The following FOXP2 variants were observed in gnomAD, a reference collection of about 807,000 sequenced individuals.
FOXP2 encodes the protein forkhead box protein P2.
Under a neutral mutation model 115.8 loss-of-function variants are expected in FOXP2, and 12 were observed. The ratio of observed to expected loss-of-function variants is 0.10; its 90% CI spans 0.07 to 0.17. FOXP2 has a LOEUF of 0.17. FOXP2 is among the 10% of genes least tolerant of loss of function. The pLI, the probability that FOXP2 is intolerant of heterozygous loss-of-function variation, is 1.00. For synonymous variants in FOXP2, 328 were observed against 297.7 expected, an observed-to-expected ratio of 1.10 and a Z score of -1.05; for missense variants, 629 against 843.5, an observed-to-expected ratio of 0.75 and a Z score of 3.15.
chr7:114,101,494 A>G (rs1350344101), intron 1 of FOXP2, among the ~76,000 whole-genome samples: 1 of 152,138 alleles, frequency 6.6e-6, no homozygotes, highest in Non-Finnish European at 1.5e-5. Flanking sequence ...ATCTAGTAAC[A>G]GTGTCAGAAA....
chr7:114,403,789 G>T (rs548806095), intron 2 of FOXP2, among the ~76,000 whole-genome samples: 2 of 152,248 alleles, frequency 1.3e-5, no homozygotes, highest in East Asian at 3.9e-4. Context: ...CCTTATTGGG[G>T]AACCCTCTCT....
At chr7:114,228,585 T>A (rs1161676998) in intron 1 of FOXP2, among the ~76,000 whole-genome samples, 1 of 151,882 alleles carries the variant, frequency 6.6e-6, no homozygotes, top group African/African-American at 2.4e-5. Flanking sequence ...GTAGTACAGA[T>A]GAACAAGAAG....
At chr7:114,352,199 C>T (rs552858268) in intron 2 of FOXP2, among the ~76,000 whole-genome samples, 2 of 151,652 alleles carry the variant, frequency 1.3e-5, no homozygotes, top group South Asian at 4.2e-4. Flanking sequence ...CCTGGGAGGT[C>T]AAGACTACAA....
chr7:114,263,580 A>G (rs541829414), intron 1 of FOXP2, among the ~76,000 whole-genome samples: 1 of 151,304 alleles, frequency 6.6e-6, no homozygotes, highest in East Asian at 2.0e-4. Context: ...CAGCCTCCCA[A>G]TGTGCTGGGA....
chr7:114,287,247 A>G (rs1796488586), intron 1 of FOXP2, among the ~76,000 whole-genome samples: 1 of 151,930 alleles, frequency 6.6e-6, no homozygotes, highest in South Asian at 2.1e-4. Flanking sequence ...TAGCTGATGA[A>G]CTAAAAAAGA....
chr7:114,549,799 A>T (rs1040126038), intron 3 of FOXP2, among the ~76,000 whole-genome samples: 1 of 152,060 alleles, frequency 6.6e-6, no homozygotes, highest in Admixed American at 6.5e-5. Flanking sequence ...AAAAAAAAAT[A>T]GTATAATAAA....
intron 6 of FOXP2, among the ~76,000 whole-genome samples, chr7:114,640,056 T>G (rs184986099): frequency 1.3e-4 from 19 of 151,738 alleles, no homozygotes; most frequent in Admixed American, 2.6e-4. Context: ...CAGGCAAGAG[T>G]TGACAATACA....
chr7:114,538,257 A>G, intron 3 of FOXP2: 2 of 1,108,124 alleles, frequency 1.8e-6, no homozygotes, highest in East Asian at 5.8e-5. Context: ...TTTCTAGCCT[A>G]TGACAAATCT....
chr7:114,377,872 A>T (rs1792181297), intron 2 of FOXP2, among the ~76,000 whole-genome samples: 1 of 152,158 alleles, frequency 6.6e-6, no homozygotes, highest in Non-Finnish European at 1.5e-5. Flanking sequence ...TACTCACTTT[A>T]TTCCACACAT....
In FOXP2 at chr7:114,691,348, T is replaced by G. The variant is rs1218738031; in HGVS notation, c.*1422T>G. 1 of 453,982 alleles carries G rather than the reference T, an allele frequency of 2.2e-6. No homozygotes were observed. The highest frequency in any genetic ancestry group is 2.4e-5 in the Admixed American group (1 of 42,550). The allele number at this position is 453,982 out of a possible 1,614,324, so 28.1% of individuals were successfully genotyped here. On this transcript the variant is annotated 3_prime_UTR_variant, in exon 17 of 17. Coordinates refer to ENST00000350908, the MANE Select transcript of FOXP2 (RefSeq NM_014491.4). ...ATTTCATATTGATTTTAAAGTGATC[T>G]AGCTGAGTTTTTACACTGAAAGCAA... is the stretch of plus-strand genomic sequence containing the variant.
rs181241145 is a variant in FOXP2, at chr7:114,455,338, T to C, written c.168+28659T>C. Among the ~76,000 whole-genome samples, 215 of 152,356 alleles carry C rather than the reference T, an allele frequency of 1.4e-3. 1 individual carries two copies. Among genetic ancestry groups the C allele is most frequent in the African/African-American group, 4.9e-3 (204 of 41,584 alleles). Reference sequence around the variant, plus strand: ...ACCAGTCATAAATGCTAAGTCTTTTTCCTAACCATATCTAGAACCATTTGC... The same window carrying C: ...ACCAGTCATAAATGCTAAGTCTTTTCCCTAACCATATCTAGAACCATTTGC... On this transcript the variant is annotated intron_variant, in intron 2 of 16. Transcript: ENST00000350908.
intron 3 of FOXP2, among the ~76,000 whole-genome samples, chr7:114,558,846 A>T (rs1178655780): frequency 6.6e-6 from 1 of 152,094 alleles, no homozygotes; most frequent in African/African-American, 2.4e-5. Flanking sequence ...TGCATTCTTG[A>T]GGTTAGTGGC....
upstream of FOXP2, chr7:114,086,712 C>T (rs1243106266): frequency 4.3e-6 from 1 of 230,576 alleles, no homozygotes; most frequent in East Asian, 1.9e-4. Flanking sequence ...CTCTGCTCCG[C>T]GCTCCTCCCG....
Position 114,148,611 on chromosome 7 carries a change from A to T in FOXP2, c.-246-14333A>T, listed in dbSNP as rs138959908. 2.1e-3 allele frequency among the ~76,000 whole-genome samples: 316 copies of T among 152,318 alleles called. 3 individuals are homozygous for T. In the Middle Eastern group the frequency reaches 0.041, roughly 20 times the overall value. ...ACTTGCTCTCTTGAGAAGCTTGCCC[A>T]GGAAGTATAGTTTGAAATAAAAGAG... On this transcript the variant is annotated intron_variant, in intron 1 of 19. Transcript: ENST00000635638.
chr7:114,291,996 T>C (rs1186522945), intron 2 of FOXP2, among the ~76,000 whole-genome samples: 10 of 145,598 alleles, frequency 6.9e-5, no homozygotes, highest in African/African-American at 1.5e-4. Flanking sequence ...ATATATATTA[T>C]AGATAATATA....
intron 2 of FOXP2, among the ~76,000 whole-genome samples, chr7:114,367,044 C>T (rs2049605): frequency 0.96 from 145,552 of 152,170 alleles, 69,883 homozygotes; most frequent in East Asian, 1. Context: ...GTGCATTGTG[C>T]AGAGGCTAAC....
chr7:114,652,114 T>G, intron 8 of FOXP2, 89 bp from the exon 9 acceptor site: 1 of 1,198,804 alleles, frequency 8.3e-7, no homozygotes, highest in Non-Finnish European at 1.2e-6. Flanking sequence ...CAGAAACATC[T>G]GACTTCAGTG....
chr7:114,261,314 T>C (rs1340044592), intron 1 of FOXP2, among the ~76,000 whole-genome samples: 1 of 152,208 alleles, frequency 6.6e-6, no homozygotes, highest in East Asian at 1.9e-4. Context: ...AACTTTACTT[T>C]TTGCACTTTC....
chr7:114,342,787 A>G (rs981685557), intron 2 of FOXP2, among the ~76,000 whole-genome samples: 3 of 151,518 alleles, frequency 2.0e-5, no homozygotes, highest in African/African-American at 7.3e-5. Flanking sequence ...AGGGAGGTTA[A>G]AAAAGGGTTT....
Sources: gnomAD v4.1 joint callset for allele counts (sites outside exome capture counted in the v4.1 genomes callset) on GRCh38, gnomAD v4.1.1 for gene constraint, MANE v1.5 for transcripts, NCBI Gene and HGNC (gene_info 2026-07-23, HGNC 2026-07-21) for gene names.